TBX19: variants seen among roughly 807,000 people sequenced by gnomAD.
The protein encoded by TBX19 is T-box transcription factor 19.
Under a neutral mutation model 40.9 loss-of-function variants are expected in TBX19, and 33 were observed. That is an observed-to-expected ratio of 0.81 (90% CI 0.61 to 1.08). TBX19 has a LOEUF of 1.08. Ranked by LOEUF, TBX19 falls within the 50% of genes least tolerant of loss-of-function variation. The probability of loss-of-function intolerance (pLI) is 0.00; values close to 1 mark genes in which losing one functional copy is unlikely to be tolerated. For missense variants in TBX19, 494 were observed against 574.0 expected (o/e 0.86, Z 1.42); for synonymous variants, 220 against 225.0 (o/e 0.98, Z 0.20).
intron 7 of TBX19, 113 bp downstream of exon 7, chr1:168,308,990 A>T: frequency 6.9e-7 from 1 of 1,454,616 alleles, no homozygotes; most frequent in Non-Finnish European, 9.6e-7. Flanking sequence ...TATTGTCTTG[A>T]CTTCTAAAAC....
intron 1 of TBX19, among the ~76,000 whole-genome samples, chr1:168,286,519 G>A (rs537124532): frequency 2.6e-5 from 4 of 152,264 alleles, no homozygotes; most frequent in Non-Finnish European, 4.4e-5. Flanking sequence ...TTTACTTAGC[G>A]TAATGTGGTC....
chr1:168,301,928 A>G (rs1413288989), intron 5 of TBX19, among the ~76,000 whole-genome samples: 4 of 152,166 alleles, frequency 2.6e-5, no homozygotes, highest in Non-Finnish European at 5.9e-5. Flanking sequence ...TGCTCCTCAC[A>G]CTCACATCCC....
At chr1:168,288,155 T>A (rs1300030747) in intron 1 of TBX19, among the ~76,000 whole-genome samples, 1 of 152,240 alleles carries the variant, frequency 6.6e-6, no homozygotes, top group Admixed American at 6.5e-5. Context: ...GTTCCTTATA[T>A]AAAATGGACT....
At chr1:168,293,366 G>T in intron 3 of TBX19, 88 bp downstream of exon 3, 3 of 1,478,522 alleles carry the variant, frequency 2.0e-6, no homozygotes, top group Non-Finnish European at 1.8e-6. Flanking sequence ...GGGCGGGGGG[G>T]GTCCTTTTAG....
chr1:168,289,640 A>T (rs1648890121), intron 1 of TBX19, among the ~76,000 whole-genome samples: 1 of 152,202 alleles, frequency 6.6e-6, no homozygotes, highest in Admixed American at 6.5e-5. Context: ...ACACAGCCTC[A>T]TAAAGTTGTT....
intron 1 of TBX19, among the ~76,000 whole-genome samples, chr1:168,283,285 T>C (rs1297664649): frequency 1.3e-5 from 2 of 152,250 alleles, no homozygotes; most frequent in African/African-American, 4.8e-5. Flanking sequence ...TCTATGGATG[T>C]CCTGCTGTGT....
In TBX19 at chr1:168,311,984, A is replaced by G. The variant is rs147154809; in HGVS notation, c.1053-724A>G. Among the ~76,000 whole-genome samples, 21 of 152,316 alleles carry G rather than the reference A, an allele frequency of 1.4e-4. No individual in the cohort carries two copies. The East Asian group carries it at 3.9e-3, about 28-fold the overall frequency. On this transcript the variant is annotated intron_variant, in intron 7 of 7. Coordinates refer to ENST00000367821, the MANE Select transcript of TBX19 (RefSeq NM_005149.3). ...AGTGATTCCAATGTGCCGAATGTGC[A>G]ATCAAGTGTGTGAACCTGTGCTACA... is the stretch of plus-strand genomic sequence containing the variant.
At chr1:168,286,779 A>G (rs1180409423) in intron 1 of TBX19, among the ~76,000 whole-genome samples, 1 of 152,214 alleles carries the variant, frequency 6.6e-6, no homozygotes, top group Non-Finnish European at 1.5e-5. Context: ...GAAACTGTAT[A>G]TTTAACCAAG....
intron 6 of TBX19, among the ~76,000 whole-genome samples, chr1:168,307,299 G>A (rs1174683935): frequency 6.6e-6 from 1 of 152,162 alleles, no homozygotes; most frequent in Non-Finnish European, 1.5e-5. Flanking sequence ...TAGTCCTGGA[G>A]GCTGGGGAGT....
chr1:168,284,457 T>C (rs1230591440), intron 1 of TBX19, among the ~76,000 whole-genome samples: 1 of 152,126 alleles, frequency 6.6e-6, no homozygotes, highest in Non-Finnish European at 1.5e-5. Flanking sequence ...GGAGGATTGC[T>C]TGAGCCCAGG....
intron 2 of TBX19, among the ~76,000 whole-genome samples, chr1:168,292,660 C>T (rs1341563708): frequency 1.3e-5 from 2 of 151,960 alleles, no homozygotes; most frequent in African/African-American, 4.8e-5. Flanking sequence ...GTCAGGAGAT[C>T]GAGACCATCC....
intron 6 of TBX19, 192 bp from the exon 7 acceptor site, chr1:168,308,550 C>A: frequency 1.5e-6 from 1 of 651,662 alleles, no homozygotes; most frequent in Non-Finnish European, 2.7e-6. Flanking sequence ...CTATGAATGA[C>A]ACCTGGCATA....
intron 5 of TBX19, among the ~76,000 whole-genome samples, chr1:168,303,633 A>G (rs555000763): frequency 1.3e-5 from 2 of 152,352 alleles, no homozygotes; most frequent in South Asian, 4.1e-4. Context: ...GCTACTTCAT[A>G]GGCAGAACAG....
intron 7 of TBX19, among the ~76,000 whole-genome samples, chr1:168,310,920 A>G (rs1649506355): frequency 6.7e-6 from 1 of 148,744 alleles, no homozygotes; most frequent in Admixed American, 6.7e-5. Flanking sequence ...AAATATATAT[A>G]TTTACATCAA....
Position 168,291,353 on chromosome 1 carries a change from G to T in TBX19, c.397G>T (p.Ala133Ser). ...TCACCCGGACTCCCCCAACTTTGGG[G>T]CCCACTGGATGAAAGCTCCCATCTC... The part of the protein sequence containing the change: ...YIHPDSPNFG[A>S]HWMKAPISFS... The change falls in exon 2 of 8, where the codon GCC becomes TCC. Residue 133 changes from alanine to serine, a missense_variant. This residue lies in a region of TBX19 where 201 missense variants were observed against 235.2 expected (regional missense o/e 0.85). Transcript: ENST00000367821. The T allele has an allele frequency of 6.2e-7, 1 of 1,614,192 alleles. No individual in the cohort carries two copies. Among genetic ancestry groups the T allele is most frequent in the Non-Finnish European group, 8.5e-7 (1 of 1,180,040 alleles).
At position 168,308,900 on chromosome 1, in the gene TBX19, G is replaced by A. The variant is rs376263681; in HGVS notation, c.1052+23G>A. ...CAGGTAAGACCAACACCATCAACTC[G>A]CTCATTGGTCGTCTTGGGGGTTTAC... On this transcript the variant is annotated intron_variant, in intron 7 of 7. Transcript: ENST00000367821. 1.7e-5 allele frequency: 27 copies of A among 1,613,798 alleles called. No homozygotes were observed. The African/African-American group carries it at 2.5e-4, about 15-fold the overall frequency.
rs1432189548 is a variant in TBX19, at chr1:168,313,897, C to T, written c.*895C>T. The T allele has an allele frequency of 3.3e-5, 5 of 150,926 alleles. No homozygotes were observed. The highest frequency in any genetic ancestry group is 6.6e-5 in the Admixed American group (1 of 15,068). 9.3% of individuals were successfully genotyped at this position (150,926 alleles called of 1,614,324 possible). A position where few individuals can be genotyped will look rare whatever the true frequency, so the allele number is the denominator to read the frequency against. ...TTGCACTCCAGCCTGGGTGGTAGAT[C>T]AAGGCTTTGTTTCATTTGAAAAAAA... On this transcript the variant is annotated 3_prime_UTR_variant, in exon 8 of 8. Coordinates refer to ENST00000367821, the MANE Select transcript of TBX19 (RefSeq NM_005149.3).
At chr1:168,292,713 A>T (rs1229517482) in intron 2 of TBX19, among the ~76,000 whole-genome samples, 2 of 151,340 alleles carry the variant, frequency 1.3e-5, no homozygotes, top group Non-Finnish European at 2.9e-5. Flanking sequence ...AAATACAAAA[A>T]ATTAGCCGGG....
chr1:168,292,661 G>A (rs1572475705), intron 2 of TBX19, among the ~76,000 whole-genome samples: 1 of 151,978 alleles, frequency 6.6e-6, no homozygotes, highest in South Asian at 2.1e-4. Flanking sequence ...TCAGGAGATC[G>A]AGACCATCCT....
Sources: gnomAD v4.1 joint callset for allele counts (sites outside exome capture counted in the v4.1 genomes callset) on GRCh38, gnomAD v4.1.1 for gene constraint, gnomAD v4.1.1 regional missense constraint, MANE v1.5 for transcripts, NCBI Gene and HGNC (gene_info 2026-07-23, HGNC 2026-07-21) for gene names.